ZC3H12C: variants seen among roughly 807,000 people sequenced by gnomAD.
ZC3H12C encodes zinc finger CCCH-type containing 12C, also known as probable ribonuclease ZC3H12C.
ZC3H12C carries 20 observed loss-of-function variants against 76.3 expected under a neutral mutation model. That is an observed-to-expected ratio of 0.26 (90% confidence interval 0.18 to 0.38). The LOEUF (loss-of-function observed/expected upper bound fraction) is 0.38, where lower values mean the gene tolerates loss of function less well. ZC3H12C is among the 10% of genes least tolerant of loss of function. ZC3H12C has a pLI of 1.00. For synonymous variants in ZC3H12C, 352 were observed against 399.6 expected (o/e 0.88, Z 1.42); for missense variants, 874 against 1,086.5 (o/e 0.80, Z 2.75).
chr11:110,160,757 A>G (rs2134198652), intron 4 of ZC3H12C, among the ~76,000 whole-genome samples: 1 of 152,358 alleles, frequency 6.6e-6, no homozygotes, highest in African/African-American at 2.4e-5. Context: ...AGTAGAAGGA[A>G]TACACTCTAA....
intron 1 of ZC3H12C, among the ~76,000 whole-genome samples, chr11:110,109,313 T>C (rs1861387603): frequency 6.6e-6 from 1 of 152,198 alleles, no homozygotes; most frequent in Admixed American, 6.5e-5. Flanking sequence ...AAAGCTCTCA[T>C]TCCTTCCATG....
rs986762306 is a variant in ZC3H12C at position 110,167,160 on chromosome 11, C to G, written c.*1423C>G. 1.3e-5 allele frequency: 2 copies of G among 152,166 alleles called. No homozygotes were observed. The highest frequency in any genetic ancestry group is 2.4e-5 in the African/African-American group (1 of 41,454). The allele number at this position is 152,166 out of a possible 1,614,324, so 9.4% of individuals were successfully genotyped here. A position where few individuals can be genotyped will look rare whatever the true frequency, so the allele number is the denominator to read the frequency against. ...TTGTACTTCACGTAACAGATGCATTCAGATCTTTTTCTGTAGTCTGCTTAG... is the reference window on the plus strand; with the variant it reads ...TTGTACTTCACGTAACAGATGCATTGAGATCTTTTTCTGTAGTCTGCTTAG... On this transcript the variant is annotated 3_prime_UTR_variant, in exon 6 of 6. Transcript: ENST00000278590.
intron 1 of ZC3H12C, among the ~76,000 whole-genome samples, chr11:110,103,374 A>G (rs1375418471): frequency 6.6e-6 from 1 of 152,230 alleles, no homozygotes; most frequent in Non-Finnish European, 1.5e-5. Flanking sequence ...ATACACATGT[A>G]TATTTTTCTT....
At chr11:110,119,696 A>C (rs1591466312) in intron 1 of ZC3H12C, among the ~76,000 whole-genome samples, 2 of 152,318 alleles carry the variant, frequency 1.3e-5, no homozygotes, top group Non-Finnish European at 2.9e-5. Context: ...GAAGCTGGGA[A>C]GTCCAAGATC....
At chr11:110,160,534 T>C (rs1250077005) in intron 4 of ZC3H12C, among the ~76,000 whole-genome samples, 2 of 152,174 alleles carry the variant, frequency 1.3e-5, no homozygotes. Flanking sequence ...TTAAAGTGTT[T>C]GTTAAAAACT....
intron 1 of ZC3H12C, among the ~76,000 whole-genome samples, chr11:110,105,534 A>G (rs1018777752): frequency 6.6e-6 from 1 of 152,166 alleles, no homozygotes; most frequent in African/African-American, 2.4e-5. Context: ...TTAAGGTTAA[A>G]TTTTGAGTTG....
chr11:110,108,331 T>C (rs987293075), intron 1 of ZC3H12C, among the ~76,000 whole-genome samples: 2 of 152,196 alleles, frequency 1.3e-5, no homozygotes, highest in African/African-American at 4.8e-5. Flanking sequence ...GAGCACTGTT[T>C]GAAAGCTCCT....
intron 1 of ZC3H12C, among the ~76,000 whole-genome samples, chr11:110,133,706 T>C (rs571130472): frequency 6.6e-6 from 1 of 152,270 alleles, no homozygotes; most frequent in Admixed American, 6.5e-5. Flanking sequence ...TAAAAAAAAC[T>C]GAAAATCCTA....
At chr11:110,155,419 G>T (rs1420243076) in intron 3 of ZC3H12C, among the ~76,000 whole-genome samples, 1 of 152,026 alleles carries the variant, frequency 6.6e-6, no homozygotes, top group East Asian at 1.9e-4. Context: ...GTCTTAAAAT[G>T]TTAATATTCT....
chr11:110,098,190 G>A (rs1861148541), intron 1 of ZC3H12C, among the ~76,000 whole-genome samples: 1 of 152,124 alleles, frequency 6.6e-6, no homozygotes, highest in Non-Finnish European at 1.5e-5. Flanking sequence ...TCCTGACCCT[G>A]TGTAGACCTA....
At chr11:110,104,379 G>A (rs911156768) in intron 1 of ZC3H12C, among the ~76,000 whole-genome samples, 1 of 152,158 alleles carries the variant, frequency 6.6e-6, no homozygotes, top group African/African-American at 2.4e-5. Flanking sequence ...CAATTTATAT[G>A]GATTCATGTT....
At chr11:110,114,188 G>A (rs1861484070) in intron 1 of ZC3H12C, among the ~76,000 whole-genome samples, 1 of 152,088 alleles carries the variant, frequency 6.6e-6, no homozygotes, top group Non-Finnish European at 1.5e-5. Context: ...TGATCCTGTT[G>A]TTCTCTGGGC....
At chr11:110,101,416 G>A (rs1370859770) in intron 1 of ZC3H12C, among the ~76,000 whole-genome samples, 1 of 152,148 alleles carries the variant, frequency 6.6e-6, no homozygotes, top group Non-Finnish European at 1.5e-5. Flanking sequence ...AGAGAGGAGA[G>A]GACAATGTCT....
chr11:110,111,406 C>T (rs1243380848), intron 1 of ZC3H12C, among the ~76,000 whole-genome samples: 1 of 124,914 alleles, frequency 8.0e-6, no homozygotes, highest in African/African-American at 3.1e-5. Flanking sequence ...GATTCTTACT[C>T]AACTTTTTTT....
chr11:110,107,052 G>A (rs6589113), intron 1 of ZC3H12C, among the ~76,000 whole-genome samples: 106,830 of 152,106 alleles, frequency 0.7, 37,796 homozygotes, highest in East Asian at 0.89. Flanking sequence ...GAAAATACCT[G>A]TAATGGTCAA....
intron 1 of ZC3H12C, among the ~76,000 whole-genome samples, chr11:110,105,922 T>C (rs899935295): frequency 2.0e-5 from 3 of 152,224 alleles, no homozygotes; most frequent in Non-Finnish European, 4.4e-5. Flanking sequence ...TTTAACATTA[T>C]TGAATATATT....
intron 1 of ZC3H12C, among the ~76,000 whole-genome samples, chr11:110,118,613 A>G (rs193176577): frequency 1.1e-4 from 17 of 152,288 alleles, no homozygotes; most frequent in Non-Finnish European, 2.4e-4. Flanking sequence ...CCTGGCTGAC[A>G]TGGTAAAGCC....
chr11:110,117,309 C>A (rs1049125837), intron 1 of ZC3H12C, among the ~76,000 whole-genome samples: 4 of 152,086 alleles, frequency 2.6e-5, no homozygotes, highest in Admixed American at 6.6e-5. Context: ...GTATAATTCA[C>A]AATATAAGTT....
chr11:110,136,600 C>T, intron 1 of ZC3H12C, 63 bp from the exon 2 acceptor site: 5 of 1,529,154 alleles, frequency 3.3e-6, no homozygotes, highest in South Asian at 1.3e-5. Flanking sequence ...CTTCTGACTT[C>T]TCCATTGAGA....
Sources: allele counts gnomAD v4.1 joint callset (sites outside exome capture counted in the v4.1 genomes callset), GRCh38; gene constraint gnomAD v4.1.1; transcripts MANE v1.5; gene names NCBI Gene and HGNC (gene_info 2026-07-23, HGNC 2026-07-21).